The following RABGEF1 variants were observed in gnomAD, a reference collection of about 807,000 sequenced individuals.
The protein encoded by RABGEF1 is rab5 GDP/GTP exchange factor.
A neutral mutation model predicts 57.3 loss-of-function variants in RABGEF1; 26 were observed. The observed-to-expected ratio is 0.45, with a 90% confidence interval of 0.33 to 0.63. The LOEUF (loss-of-function observed/expected upper bound fraction) is 0.63. RABGEF1 is among the 20% of genes least tolerant of loss of function. The pLI, the probability that RABGEF1 is intolerant of heterozygous loss-of-function variation, is 0.02. For missense variants in RABGEF1, 464 were observed against 607.6 expected (o/e 0.76, Z 2.48); for synonymous variants, 185 against 210.7 (o/e 0.88, Z 1.06).
intron 4 of RABGEF1, among the ~76,000 whole-genome samples, chr7:66,786,101 A>G (rs1234115326): frequency 6.6e-6 from 1 of 152,184 alleles, no homozygotes; most frequent in Non-Finnish European, 1.5e-5. Flanking sequence ...TCTGAGATCC[A>G]GGAGAGTGAT....
chr7:66,731,535 G>C (rs992530205), intron 2 of RABGEF1, among the ~76,000 whole-genome samples: 5 of 152,006 alleles, frequency 3.3e-5, no homozygotes, highest in African/African-American at 1.2e-4. Context: ...TGGGCAACAT[G>C]GTGAAACCCT....
chr7:66,693,281 C>A (rs184208010), intron 1 of RABGEF1, among the ~76,000 whole-genome samples: 49 of 152,290 alleles, frequency 3.2e-4, no homozygotes, highest in Admixed American at 1.8e-3. Flanking sequence ...TATGTTTCCA[C>A]CCCCCAGGGC....
chr7:66,769,861 ATCAT>A (rs1806640920), intron 1 of RABGEF1, among the ~76,000 whole-genome samples: 1 of 152,172 alleles, frequency 6.6e-6, no homozygotes. Flanking sequence ...TCTGTGCTAC[ATCAT>A]TCATATTTTA....
intron 1 of RABGEF1, among the ~76,000 whole-genome samples, chr7:66,685,598 A>T (rs1446341273): frequency 2.0e-5 from 3 of 152,208 alleles, no homozygotes; most frequent in African/African-American, 7.2e-5. Flanking sequence ...TTCTGCACTC[A>T]TTTCTGTTTT....
chr7:66,734,909 C>T (rs567347903), intron 2 of RABGEF1, among the ~76,000 whole-genome samples: 1 of 152,174 alleles, frequency 6.6e-6, no homozygotes, highest in Non-Finnish European at 1.5e-5. Context: ...CACAAAACTG[C>T]TCACCACATG....
At chr7:66,720,194 A>ATTT (rs58442880) in intron 2 of RABGEF1, among the ~76,000 whole-genome samples, 55 of 134,324 alleles carry the variant, frequency 4.1e-4, no homozygotes, top group African/African-American at 1.3e-3. Flanking sequence ...TATTATTATT[A>ATTT]TTTTTTTTTT....
At chr7:66,737,987 G>A (rs1026523567), upstream of RABGEF1, among the ~76,000 whole-genome samples, 2 of 151,782 alleles carry the variant, frequency 1.3e-5, no homozygotes, top group Admixed American at 1.3e-4. Flanking sequence ...CTATTTTAAA[G>A]CTGCAAGCTT....
intron 1 of RABGEF1, among the ~76,000 whole-genome samples, chr7:66,743,260 A>G (rs541328957): frequency 5.1e-4 from 77 of 151,796 alleles, no homozygotes; most frequent in Non-Finnish European, 9.9e-4. Flanking sequence ...TGGTGAGCCA[A>G]GATTGTACCA....
intron 4 of RABGEF1, among the ~76,000 whole-genome samples, chr7:66,790,752 A>G (rs1384779899): frequency 6.6e-6 from 1 of 152,234 alleles, no homozygotes; most frequent in Non-Finnish European, 1.5e-5. Flanking sequence ...CTGATCTCAC[A>G]GTTGCATTAA....
At chr7:66,695,145 C>G (rs1792128419) in intron 1 of RABGEF1, among the ~76,000 whole-genome samples, 1 of 152,008 alleles carries the variant, frequency 6.6e-6, no homozygotes, top group Admixed American at 6.6e-5. Flanking sequence ...AACCTTGTCT[C>G]TACTAAAAAG....
chr7:66,703,331 G>T (rs1793572321), intron 1 of RABGEF1, among the ~76,000 whole-genome samples: 2 of 152,080 alleles, frequency 1.3e-5, no homozygotes. Context: ...TTTGTTGCTT[G>T]TACTTTTGGT....
chr7:66,797,866 A>G (rs1189147465), intron 6 of RABGEF1, among the ~76,000 whole-genome samples: 1 of 152,198 alleles, frequency 6.6e-6, no homozygotes, highest in African/African-American at 2.4e-5. Context: ...CCGGTGGCTC[A>G]TACCTGTAAT....
chr7:66,763,153 G>A (rs559351056), intron 1 of RABGEF1, among the ~76,000 whole-genome samples: 2 of 152,296 alleles, frequency 1.3e-5, no homozygotes, highest in East Asian at 3.9e-4. Flanking sequence ...GTGAGCCATT[G>A]CCCCTAGTCC....
chr7:66,694,602 G>T (rs1792047867), intron 1 of RABGEF1, among the ~76,000 whole-genome samples: 1 of 152,266 alleles, frequency 6.6e-6, no homozygotes. Context: ...GAACCAGCTG[G>T]AGGGGCAGGG....
chr7:66,775,248 G>A lies in RABGEF1; in HGVS notation c.201G>A (p.Glu67=). 6.2e-7 allele frequency: 1 copy of A among 1,613,238 alleles called. No individual in the cohort carries two copies. Residue 67 remains glutamate (E), a synonymous_variant, in exon 3 of 9, where the codon GAG becomes GAA. Transcript: ENST00000284957. The part of the protein sequence containing the change: ...LAERLQREEE[E]AFASSQSSQG... ...GCAGACTCCAGCGGGAGGAAGAAGAGGCCTTTGCCAGCAGTCAGAGCAGCC... is the reference window on the plus strand; with the variant it reads ...GCAGACTCCAGCGGGAGGAAGAAGAAGCCTTTGCCAGCAGTCAGAGCAGCC...
At chr7:66,674,388 G>A in the RABGEF1 span, among the ~76,000 whole-genome samples, 3 of 151,906 alleles carry the variant, frequency 2.0e-5, no homozygotes, top group East Asian at 3.9e-4. Flanking sequence ...GAGTTTCACC[G>A]TTTTGGCTAG....
chr7:66,673,875 T>G, the RABGEF1 span, among the ~76,000 whole-genome samples: 1 of 151,944 alleles, frequency 6.6e-6, no homozygotes, highest in African/African-American at 2.4e-5. Flanking sequence ...CGAGATCCTA[T>G]CTCTTAAAAA....
At chr7:66,760,091 C>T (rs1803885089) in intron 1 of RABGEF1, among the ~76,000 whole-genome samples, 1 of 152,182 alleles carries the variant, frequency 6.6e-6, no homozygotes, top group Non-Finnish European at 1.5e-5. Context: ...CAGTCTAACC[C>T]AGCTGACCAA....
intron 1 of RABGEF1, among the ~76,000 whole-genome samples, chr7:66,688,873 A>C (rs537969754): frequency 5.3e-5 from 8 of 152,284 alleles, no homozygotes; most frequent in East Asian, 3.9e-4. Flanking sequence ...CGGGAGGATC[A>C]CCTGAGGTCA....
Sources: gnomAD v4.1 joint callset for allele counts (sites outside exome capture counted in the v4.1 genomes callset) on GRCh38, gnomAD v4.1.1 for gene constraint, MANE v1.5 for transcripts, NCBI Gene and HGNC (gene_info 2026-07-23, HGNC 2026-07-21) for gene names.